Variants in LIX1 observed in about 807,000 individuals in gnomAD.
The protein encoded by LIX1 is limb and CNS expressed 1, also known as protein limb expression 1 homolog.
LIX1 carries 24 observed loss-of-function variants against 33.4 expected under a neutral mutation model. The observed-to-expected ratio is 0.72, with a 90% CI of 0.52 to 1.01. The LOEUF (loss-of-function observed/expected upper bound fraction) is 1.01. Among genes scored for constraint, LIX1 ranks in the 50% least tolerant of loss-of-function variants. The pLI is 0.00. For synonymous variants in LIX1, 124 were observed against 124.0 expected, an observed-to-expected ratio of 1.00 and a Z score of 0.00; for missense variants, 311 against 339.2, an observed-to-expected ratio of 0.92 and a Z score of 0.65.
chr5:97,113,055 A>G (rs774312191), intron 2 of LIX1, among the ~76,000 whole-genome samples: 2 of 152,234 alleles, frequency 1.3e-5, no homozygotes, highest in East Asian at 1.9e-4. Context: ...CCATCTCTTT[A>G]TAAGAGAAGA....
intron 1 of LIX1, among the ~76,000 whole-genome samples, chr5:97,134,131 A>T (rs912304739): frequency 8.5e-5 from 13 of 152,236 alleles, no homozygotes; most frequent in Admixed American, 5.9e-4. Context: ...ATATATATAT[A>T]TTTTTTGAGA....
chr5:97,105,316 A>G, intron 3 of LIX1, 31 bp from the exon 4 acceptor site: 8 of 1,574,622 alleles, frequency 5.1e-6, no homozygotes, highest in Non-Finnish European at 7.0e-6. Flanking sequence ...AAGAAAAATT[A>G]CTGATTTTTC....
chr5:97,115,156 G>T (rs1747603222), intron 2 of LIX1, among the ~76,000 whole-genome samples: 1 of 152,134 alleles, frequency 6.6e-6, no homozygotes. Flanking sequence ...ATTTAACCAA[G>T]ATTAATTTGT....
rs538362658 is a variant in LIX1 at position 97,124,697 on chromosome 5, A to G, written c.83-68T>C. On this transcript the variant is annotated intron_variant, in intron 1 of 5. Coordinates refer to ENST00000274382, the MANE Select transcript of LIX1 (RefSeq NM_153234.5). ...TAATCTGGTGCAAAACCAAAATTTT[A>G]TTTGCAAGCTGGATTCTGTAGCATG... 170 of 1,384,780 alleles carry G rather than the reference A, an allele frequency of 1.2e-4. 2 individuals carry two copies. The highest frequency in any genetic ancestry group is 2.2e-4 in the Middle Eastern group (1 of 4,458). The allele number at this position is 1,384,780 out of a possible 1,614,324, so 85.8% of individuals were successfully genotyped here.
Position 97,096,863 on chromosome 5 carries a change from A to G in LIX1, c.508T>C (p.Leu170=). The change falls in exon 5 of 6, where the codon TTG becomes CTG. Residue 170 remains leucine, a synonymous_variant. Transcript: ENST00000274382. ...GCTTTTAGGCTTCCATTCCAGTGCA[A>G]TAGTTGGAAAATGGTCATCAGCTCC... is the stretch of plus-strand genomic sequence containing the variant. ...FQELMTIFQL[L]HWNGSLKALR... 6.2e-7 allele frequency: 1 copy of G among 1,613,994 alleles called. No homozygotes were observed. Among genetic ancestry groups the G allele is most frequent in the Non-Finnish European group, 8.5e-7 (1 of 1,179,862 alleles).
At chr5:97,136,782 A>T (rs1748181600) in intron 1 of LIX1, among the ~76,000 whole-genome samples, 1 of 152,204 alleles carries the variant, frequency 6.6e-6, no homozygotes, top group Non-Finnish European at 1.5e-5. Flanking sequence ...CATTTCATGG[A>T]CACTAGAGAA....
At chr5:97,140,919 A>C (rs1234272046) in intron 1 of LIX1, among the ~76,000 whole-genome samples, 1 of 152,216 alleles carries the variant, frequency 6.6e-6, no homozygotes, top group African/African-American at 2.4e-5. Context: ...AAAACAGGAC[A>C]CTTATTTGTT....
rs141966346 is a variant in LIX1 at position 97,111,453 on chromosome 5, C to G, written c.247-3953G>C. Among the ~76,000 whole-genome samples, 519 of 152,148 alleles carry G rather than the reference C, an allele frequency of 3.4e-3. 12 individuals are homozygous for G. The highest frequency in any genetic ancestry group is 0.03 in the Admixed American group (453 of 15,274). On this transcript the variant is annotated intron_variant, in intron 2 of 5. Coordinates refer to ENST00000274382, the MANE Select transcript of LIX1 (RefSeq NM_153234.5). ...ATTGCAGTCAGACACTTTGAGATGA[C>G]CATTTTTGCCTGAGCGTAGGGTATG...
intron 1 of LIX1, among the ~76,000 whole-genome samples, chr5:97,137,987 T>C (rs1197798583): frequency 1.3e-5 from 2 of 152,208 alleles, no homozygotes; most frequent in Non-Finnish European, 2.9e-5. Flanking sequence ...AATAGCCCTG[T>C]AGTCTGGTCC....
chr5:97,118,617 T>A (rs1300894699), intron 2 of LIX1, among the ~76,000 whole-genome samples: 1 of 152,230 alleles, frequency 6.6e-6, no homozygotes, highest in Non-Finnish European at 1.5e-5. Context: ...AAATACTTAA[T>A]GCTTGTAATG....
chr5:97,107,709 T>G (rs1486885999), intron 2 of LIX1, among the ~76,000 whole-genome samples: 1 of 152,262 alleles, frequency 6.6e-6, no homozygotes. Flanking sequence ...CTTCAATTAC[T>G]TATTGTCTTA....
intron 1 of LIX1, among the ~76,000 whole-genome samples, chr5:97,139,411 C>T (rs1203405658): frequency 5.3e-5 from 8 of 152,190 alleles, no homozygotes; most frequent in African/African-American, 1.9e-4. Context: ...ATCTTGAAGT[C>T]ATGTGGTGAT....
intron 2 of LIX1, among the ~76,000 whole-genome samples, chr5:97,122,727 G>A (rs983288021): frequency 2.0e-5 from 3 of 152,132 alleles, no homozygotes; most frequent in African/African-American, 7.2e-5. Context: ...ACCAGAACAT[G>A]TTTTGTCTCC....
At chr5:97,129,347 T>C (rs1045465214) in intron 1 of LIX1, among the ~76,000 whole-genome samples, 2 of 152,106 alleles carry the variant, frequency 1.3e-5, no homozygotes, top group African/African-American at 4.8e-5. Flanking sequence ...AAATGCAGGA[T>C]CTCAGGCTCC....
At chr5:97,130,962 A>G (rs1748044088) in intron 1 of LIX1, among the ~76,000 whole-genome samples, 1 of 152,220 alleles carries the variant, frequency 6.6e-6, no homozygotes, top group Non-Finnish European at 1.5e-5. Context: ...TAGTGTGGCT[A>G]CTTTCTTCTT....
At chr5:97,111,532 C>G (rs953655512) in intron 2 of LIX1, among the ~76,000 whole-genome samples, 1 of 152,038 alleles carries the variant, frequency 6.6e-6, no homozygotes, top group African/African-American at 2.4e-5. Context: ...AACGTTTTTG[C>G]AAGTATTACC....
chr5:97,097,381 A>G (rs938873636), intron 4 of LIX1, among the ~76,000 whole-genome samples: 6 of 152,232 alleles, frequency 3.9e-5, no homozygotes, highest in African/African-American at 1.4e-4. Context: ...GTTTAAATAG[A>G]AAGAATTCTA....
intron 3 of LIX1, among the ~76,000 whole-genome samples, 199 bp downstream of exon 3, chr5:97,107,160 TA>T (rs1172448403): frequency 1.3e-5 from 2 of 152,214 alleles, no homozygotes; most frequent in Admixed American, 1.3e-4. Flanking sequence ...TCAGAGAGAT[TA>T]AAAAATATTA....
chr5:97,127,043 C>T (rs1747944556), intron 1 of LIX1, among the ~76,000 whole-genome samples: 1 of 152,184 alleles, frequency 6.6e-6, no homozygotes, highest in Non-Finnish European at 1.5e-5. Flanking sequence ...CCTCCCACCC[C>T]TGAGGAAACA....
Sources: allele counts gnomAD v4.1 joint callset (sites outside exome capture counted in the v4.1 genomes callset), GRCh38; gene constraint gnomAD v4.1.1; transcripts MANE v1.5; gene names NCBI Gene and HGNC (gene_info 2026-07-23, HGNC 2026-07-21).